Variants in DAAM2 observed in about 807,000 individuals in gnomAD.
The protein encoded by DAAM2 is disheveled-associated activator of morphogenesis 2.
Under a neutral mutation model 120.7 loss-of-function variants are expected in DAAM2, and 39 were observed. The ratio of observed to expected loss-of-function variants is 0.32; its 90% confidence interval spans 0.25 to 0.42. DAAM2 has a LOEUF of 0.42. DAAM2 is among the 10% of genes least tolerant of loss of function. The probability of loss-of-function intolerance (pLI) is 1.00; values close to 1 mark genes in which losing one functional copy is unlikely to be tolerated. For missense variants in DAAM2, 1,283 were observed against 1,401.7 expected (o/e 0.92, Z 1.35); for synonymous variants, 488 against 524.9 (o/e 0.93, Z 0.96).
Position 39,901,720 on chromosome 6 carries a change from C to A in DAAM2, c.2983-93C>A. The A allele has an allele frequency of 8.1e-7, 1 of 1,233,770 alleles. No homozygotes were observed. The highest frequency in any genetic ancestry group is 1.1e-6 in the Non-Finnish European group (1 of 912,594). The allele number at this position is 1,233,770 out of a possible 1,614,324, so 76.4% of individuals were successfully genotyped here. A position where few individuals can be genotyped will look rare whatever the true frequency, so the allele number is the denominator to read the frequency against. The stretch of plus-strand genomic sequence containing the variant: ...CAACAGATACAGGCAGGCAGCATGA[C>A]CATGGCCTAGGAGTTAGCCCAGGGT... On this transcript the variant is annotated intron_variant, in intron 24 of 24. Transcript: ENST00000274867. This position sits in a 1 kb window ranked among gnomAD's most constrained non-coding sequence, Gnocchi z 4.5.
At chr6:39,871,064 T>C (rs1489478703) in intron 8 of DAAM2, among the ~76,000 whole-genome samples, 1 of 152,144 alleles carries the variant, frequency 6.6e-6, no homozygotes, top group Non-Finnish European at 1.5e-5. Flanking sequence ...ATGAAAGTAC[T>C]GGGGAAAATA....
chr6:39,845,564 A>T (rs1486411294), intron 1 of DAAM2, among the ~76,000 whole-genome samples: 1 of 151,312 alleles, frequency 6.6e-6, no homozygotes, highest in African/African-American at 2.4e-5. Flanking sequence ...TACCACATAC[A>T]CACATAAATA....
chr6:39,864,321 C>G, intron 3 of DAAM2, 112 bp from the exon 4 acceptor site: 1 of 770,760 alleles, frequency 1.3e-6, no homozygotes, highest in South Asian at 1.7e-5. Context: ...ACCCACCCGA[C>G]ATGGGCAGAG....
intron 1 of DAAM2, among the ~76,000 whole-genome samples, chr6:39,848,332 G>GAATGGATA (rs1422677381): frequency 6.6e-6 from 1 of 152,138 alleles, no homozygotes; most frequent in South Asian, 2.1e-4. Flanking sequence ...GTGGGTGGAT[G>GAATGGATA]AATGGATAAA....
intron 2 of DAAM2, 101 bp downstream of exon 2, chr6:39,856,571 T>C: frequency 1.0e-6 from 1 of 956,622 alleles, no homozygotes; most frequent in Non-Finnish European, 1.4e-6. Context: ...GGTCTCCATC[T>C]CTCAAAACTC....
At chr6:39,887,211 A>G (rs1403415527) in intron 15 of DAAM2, 1 of 360,424 alleles carries the variant, frequency 2.8e-6, no homozygotes, top group Non-Finnish European at 5.2e-6. Flanking sequence ...CCCAGAGTGG[A>G]TAATTTCTAA....
At chr6:39,899,853 G>A in intron 22 of DAAM2, 1 of 433,670 alleles carries the variant, frequency 2.3e-6, no homozygotes, top group Non-Finnish European at 4.1e-6. Flanking sequence ...CTGGCCCCAG[G>A]TCACATGTTG....
At chr6:39,873,193 C>T (rs1333751040) in intron 9 of DAAM2, 45 bp from the exon 10 acceptor site, 1 of 1,290,110 alleles carries the variant, frequency 7.8e-7, no homozygotes, top group Non-Finnish European at 1.1e-6. Flanking sequence ...CTGCTGACTT[C>T]CTCTGCTGCC....
chr6:39,805,170 G>A (rs1761973531), intron 1 of DAAM2, among the ~76,000 whole-genome samples: 1 of 152,174 alleles, frequency 6.6e-6, no homozygotes, highest in African/African-American at 2.4e-5. Flanking sequence ...AAGGGCTTGT[G>A]TGCTTCCAGG....
intron 1 of DAAM2, among the ~76,000 whole-genome samples, chr6:39,851,023 C>T (rs1168685781): frequency 6.6e-6 from 1 of 152,194 alleles, no homozygotes; most frequent in Non-Finnish European, 1.5e-5. Flanking sequence ...AGCCATGTAA[C>T]AGCTCCTGAA....
chr6:39,902,927 CAG>C lies in DAAM2; in HGVS notation c.*891_*892del, dbSNP rs1201092267. ...ACCTGGCCATTGTTGTGAAGCCAGACAGTGACCTCAAATGTTGCCTTGGAGTC... is the reference window on the plus strand; with the variant it reads ...ACCTGGCCATTGTTGTGAAGCCAGACTGACCTCAAATGTTGCCTTGGAGTC... On this transcript the variant is annotated 3_prime_UTR_variant, in exon 25 of 25. Coordinates refer to ENST00000274867, the MANE Select transcript of DAAM2 (RefSeq NM_001201427.2). 2.0e-5 allele frequency: 3 copies of C among 152,496 alleles called. No homozygotes were observed. The highest frequency in any genetic ancestry group is 4.4e-5 in the Non-Finnish European group (3 of 68,252). 9.4% of individuals were successfully genotyped at this position (152,496 alleles called of 1,614,324 possible). A position where few individuals can be genotyped will look rare whatever the true frequency, so the allele number is the denominator to read the frequency against.
At chr6:39,854,323 A>G (rs2149279100) in intron 1 of DAAM2, among the ~76,000 whole-genome samples, 1 of 152,372 alleles carries the variant, frequency 6.6e-6, no homozygotes, top group South Asian at 2.1e-4. Context: ...CCCATGAAGC[A>G]CAAGGCTTTT....
chr6:39,837,417 T>C (rs116024828), intron 1 of DAAM2, among the ~76,000 whole-genome samples: 4,593 of 152,152 alleles, frequency 0.03, 225 homozygotes, highest in African/African-American at 0.1. Flanking sequence ...ACATAGCTGC[T>C]ATTCTCGAAC....
intron 14 of DAAM2, among the ~76,000 whole-genome samples, chr6:39,882,501 T>C (rs1765166507): frequency 6.6e-6 from 1 of 151,938 alleles, no homozygotes; most frequent in Non-Finnish European, 1.5e-5. Flanking sequence ...CAGGCTTCTC[T>C]CTTCCCTACC....
intron 15 of DAAM2, chr6:39,884,878 G>A (rs967863893): frequency 1.3e-5 from 2 of 152,286 alleles, no homozygotes; most frequent in Admixed American, 1.3e-4. Context: ...TGGGGCCCAG[G>A]AATCCGCCTG....
At chr6:39,813,897 T>A (rs1762236112) in intron 1 of DAAM2, among the ~76,000 whole-genome samples, 1 of 152,332 alleles carries the variant, frequency 6.6e-6, no homozygotes, top group South Asian at 2.1e-4. Flanking sequence ...CTGGTTAGTA[T>A]TACCAACTTT....
chr6:39,888,438 G>C (rs764296110), intron 16 of DAAM2: 2 of 366,212 alleles, frequency 5.5e-6, no homozygotes, highest in Non-Finnish European at 1.0e-5. Flanking sequence ...TATCAGCTCT[G>C]ATGGATTATC....
chr6:39,886,974 C>T (rs1765413951), intron 15 of DAAM2: 1 of 154,632 alleles, frequency 6.5e-6, no homozygotes, highest in African/African-American at 2.4e-5. Context: ...TGTGGATGCT[C>T]TCTACCCTGG....
At chr6:39,833,075 G>A (rs980140043) in intron 1 of DAAM2, among the ~76,000 whole-genome samples, 28 of 152,072 alleles carry the variant, frequency 1.8e-4, no homozygotes, top group African/African-American at 5.6e-4. Context: ...GTTTATCCAC[G>A]TGACCTTTCC....
Sources: gnomAD v4.1 joint callset for allele counts (sites outside exome capture counted in the v4.1 genomes callset) on GRCh38, gnomAD v4.1.1 for gene constraint, Gnocchi (gnomAD v3.1) non-coding constraint, MANE v1.5 for transcripts, NCBI Gene and HGNC (gene_info 2026-07-23, HGNC 2026-07-21) for gene names.